The following PRKCB variants were observed in gnomAD, a reference collection of about 807,000 sequenced individuals.
The protein encoded by PRKCB is protein kinase C beta type.
A neutral mutation model predicts 81.5 loss-of-function variants in PRKCB; 13 were observed. The ratio of observed to expected loss-of-function variants is 0.16; its 90% CI spans 0.10 to 0.25. The LOEUF is 0.25. Among genes scored for constraint, PRKCB ranks in the 10% least tolerant of loss-of-function variants. The probability of loss-of-function intolerance (pLI) is 1.00; values close to 1 mark genes in which losing one functional copy is unlikely to be tolerated. For synonymous variants in PRKCB, 335 were observed against 321.4 expected (o/e 1.04, Z -0.45); for missense variants, 509 against 875.7 (o/e 0.58, Z 5.29).
chr16:23,836,771 G>C (rs538121395), intron 1 of PRKCB, among the ~76,000 whole-genome samples: 1 of 151,402 alleles, frequency 6.6e-6, no homozygotes, highest in South Asian at 2.1e-4. Context: ...TTGTTTCCGG[G>C]GGGGGCGGCG....
intron 3 of PRKCB, among the ~76,000 whole-genome samples, chr16:23,993,637 T>C (rs993891256): frequency 6.6e-6 from 1 of 152,196 alleles, no homozygotes; most frequent in South Asian, 2.1e-4. Flanking sequence ...AGACCAAACC[T>C]TACTATGGGA....
intron 3 of PRKCB, among the ~76,000 whole-genome samples, chr16:24,029,946 T>C (rs1453516571): frequency 6.6e-6 from 1 of 152,226 alleles, no homozygotes; most frequent in Admixed American, 6.5e-5. Flanking sequence ...TTGCCCAGGC[T>C]GGAGTGCAGT....
In PRKCB at chr16:24,140,084, A is replaced by C. The variant is rs563810587; in HGVS notation, c.1066-14600A>C. On this transcript the variant is annotated intron_variant, in intron 9 of 16. Transcript: ENST00000643927. ...CCTCTTTACTGCTAGAGGCAAGTGC[A>C]TTTGATTCCTTCAAACCACATGACT... Among the ~76,000 whole-genome samples, 4 of 152,354 alleles carry C rather than the reference A, an allele frequency of 2.6e-5. No homozygotes were observed. In the East Asian group the frequency reaches 7.7e-4, roughly 29 times the overall value.
chr16:24,169,520 C>T (rs139429613), intron 10 of PRKCB, among the ~76,000 whole-genome samples: 1 of 152,288 alleles, frequency 6.6e-6, no homozygotes, highest in East Asian at 1.9e-4. Context: ...GAGGTGTGCT[C>T]TAGCCTCAGG....
intron 3 of PRKCB, among the ~76,000 whole-genome samples, chr16:24,019,804 A>G (rs1283009450): frequency 3.3e-5 from 5 of 151,912 alleles, no homozygotes; most frequent in Admixed American, 3.3e-4. Context: ...TTTCCATATT[A>G]ATGCAGAGAA....
chr16:23,981,285 C>G lies in PRKCB; in HGVS notation c.206-7223C>G, dbSNP rs184159536. ...CTTCCAGAAATGGCACAATTCCAACCTCTGCTTCCATCATCACGTCTCATC... is the reference window on the plus strand; with the variant it reads ...CTTCCAGAAATGGCACAATTCCAACGTCTGCTTCCATCATCACGTCTCATC... On this transcript the variant is annotated intron_variant, in intron 2 of 16. Coordinates refer to ENST00000643927, the MANE Select transcript of PRKCB (RefSeq NM_002738.7). Among the ~76,000 whole-genome samples, 614 of 152,112 alleles carry G rather than the reference C, an allele frequency of 4.0e-3. 6 individuals carry two copies. The highest frequency in any genetic ancestry group is 0.014 in the African/African-American group (578 of 41,462).
At chr16:24,120,499 CA>C (rs1197241620) in intron 8 of PRKCB, among the ~76,000 whole-genome samples, 31 of 152,210 alleles carry the variant, frequency 2.0e-4, no homozygotes, top group East Asian at 9.7e-4. Context: ...CCTGAAATCA[CA>C]CCGGTCATCT....
intron 9 of PRKCB, among the ~76,000 whole-genome samples, chr16:24,134,891 G>A (rs1455871784): frequency 6.6e-6 from 1 of 152,082 alleles, no homozygotes; most frequent in African/African-American, 2.4e-5. Flanking sequence ...AGCCTGGACA[G>A]CAGAGGGACA....
intron 3 of PRKCB, among the ~76,000 whole-genome samples, chr16:24,010,029 A>G (rs1024765413): frequency 6.6e-6 from 1 of 152,174 alleles, no homozygotes; most frequent in Admixed American, 6.5e-5. Context: ...ACAGAATTAT[A>G]GAGTAGACCA....
chr16:24,185,646 C>T, intron 15 of PRKCB, 79 bp downstream of exon 15: 1 of 1,205,706 alleles, frequency 8.3e-7, no homozygotes. Context: ...GAACACCCCA[C>T]CAGGGGGGAA....
In PRKCB at chr16:24,092,813, A is replaced by G. The variant is rs1005322850; in HGVS notation, c.552A>G (p.Val184=). The G allele has an allele frequency of 1.2e-5, 20 of 1,613,970 alleles. No homozygotes were observed. Among genetic ancestry groups the G allele is most frequent in the Non-Finnish European group, 1.7e-5 (20 of 1,180,010 alleles). Residue 184 remains valine, a synonymous_variant, in exon 6 of 17, where the codon GTA becomes GTG. Transcript: ENST00000643927. ...IVLVRDAKNL[V]PMDPNGLSDP... ...CAGTAAGAGATGCTAAAAACCTTGTACCTATGGACCCCAATGGCCTGTCAG... is the reference window on the plus strand; with the variant it reads ...CAGTAAGAGATGCTAAAAACCTTGTGCCTATGGACCCCAATGGCCTGTCAG...
At chr16:24,185,677 T>C in intron 15 of PRKCB, 110 bp downstream of exon 15, 2 of 850,274 alleles carry the variant, frequency 2.4e-6, no homozygotes, top group African/African-American at 1.7e-5. Flanking sequence ...ACTCCACCCT[T>C]CACTCCATTT....
chr16:23,900,718 G>GTTTTTTTTT lies in PRKCB; in HGVS notation c.205+63336_205+63344dup, dbSNP rs56897816. 1.0e-3 allele frequency among the ~76,000 whole-genome samples: 64 copies of GTTTTTTTTT among 62,258 alleles called. 5 individuals carry two copies. The highest frequency in any genetic ancestry group is 4.0e-3 in the African/African-American group (57 of 14,270). The allele number at this position is 62,258 out of a possible 152,430, so 40.8% of individuals were successfully genotyped here. A position where few individuals can be genotyped will look rare whatever the true frequency, so the allele number is the denominator to read the frequency against. The stretch of plus-strand genomic sequence containing the variant: ...CTCATTCATTTTAACAGCTGCACAG[G>GTTTTTTTTT]TTTTTTTTTTTTTTTTTTTTTTTTT... On this transcript the variant is annotated intron_variant, in intron 2 of 16. Coordinates refer to ENST00000643927, the MANE Select transcript of PRKCB (RefSeq NM_002738.7).
chr16:24,039,401 T>C (rs2141860598), intron 5 of PRKCB, among the ~76,000 whole-genome samples: 1 of 152,132 alleles, frequency 6.6e-6, no homozygotes, highest in East Asian at 1.9e-4. Flanking sequence ...GCTGATTTTT[T>C]TTATTTTTAG....
At chr16:23,954,522 A>G (rs1964324995) in intron 2 of PRKCB, among the ~76,000 whole-genome samples, 1 of 152,112 alleles carries the variant, frequency 6.6e-6, no homozygotes, top group African/African-American at 2.4e-5. Flanking sequence ...CATTTATGAG[A>G]GTTAGTTTAG....
chr16:23,995,698 G>T (rs1964946771), intron 3 of PRKCB, among the ~76,000 whole-genome samples: 1 of 152,164 alleles, frequency 6.6e-6, no homozygotes, highest in Non-Finnish European at 1.5e-5. Flanking sequence ...GCCTGGGCAG[G>T]CTCTAAAGGC....
At chr16:24,129,549 A>G (rs932439788) in intron 9 of PRKCB, among the ~76,000 whole-genome samples, 2 of 151,058 alleles carry the variant, frequency 1.3e-5, no homozygotes, top group African/African-American at 4.9e-5. Flanking sequence ...CTATCTATCC[A>G]TCTGTCTATC....
chr16:24,205,018 G>T (rs1413531547), intron 16 of PRKCB, among the ~76,000 whole-genome samples: 1 of 151,944 alleles, frequency 6.6e-6, no homozygotes, highest in Admixed American at 6.6e-5. Context: ...TACTTGGGAG[G>T]CTGAGGCAGG....
At chr16:23,947,505 A>C (rs796752702) in intron 2 of PRKCB, among the ~76,000 whole-genome samples, 16 of 152,238 alleles carry the variant, frequency 1.1e-4, no homozygotes, top group African/African-American at 3.9e-4. Context: ...ACAGTAGGAG[A>C]GAGTCACTTT....
Sources: allele counts gnomAD v4.1 joint callset (sites outside exome capture counted in the v4.1 genomes callset), GRCh38; gene constraint gnomAD v4.1.1; transcripts MANE v1.5; gene names NCBI Gene and HGNC (gene_info 2026-07-23, HGNC 2026-07-21).